HADHB: variants seen among roughly 807,000 people sequenced by gnomAD.
HADHB encodes the protein trifunctional enzyme subunit beta, mitochondrial.
In HADHB, 50 loss-of-function variants were observed where a neutral mutation model predicts 61.9. That is an observed-to-expected ratio of 0.81 (90% CI 0.64 to 1.02). The LOEUF (loss-of-function observed/expected upper bound fraction) is 1.02, where lower values mean the gene tolerates loss of function less well. HADHB is among the 50% of genes least tolerant of loss of function. The probability of loss-of-function intolerance (pLI) is 0.00; values close to 1 mark genes in which losing one functional copy is unlikely to be tolerated. For missense variants in HADHB, 504 were observed against 586.5 expected, an observed-to-expected ratio of 0.86 and a Z score of 1.45; for synonymous variants, 191 against 201.6, an observed-to-expected ratio of 0.95 and a Z score of 0.45.
chr2:26,260,196 C>T (rs1330194535), intron 3 of HADHB, among the ~76,000 whole-genome samples: 1 of 151,702 alleles, frequency 6.6e-6, no homozygotes, highest in Non-Finnish European at 1.5e-5. Context: ...ATTCTCCTGC[C>T]TCAGCCTCCC....
chr2:26,251,496 T>C (rs971540966), intron 1 of HADHB, among the ~76,000 whole-genome samples: 1 of 152,190 alleles, frequency 6.6e-6, no homozygotes, highest in African/African-American at 2.4e-5. Context: ...CCTAGAAAGT[T>C]TTGTTATCTG....
intron 6 of HADHB, among the ~76,000 whole-genome samples, chr2:26,274,736 AT>A (rs1672477492): frequency 6.6e-6 from 1 of 152,166 alleles, no homozygotes; most frequent in African/African-American, 2.4e-5. Context: ...CTCATAATAC[AT>A]TTTCAACTTT....
chr2:26,255,611 T>C (rs1174165090), intron 3 of HADHB, among the ~76,000 whole-genome samples: 1 of 152,116 alleles, frequency 6.6e-6, no homozygotes, highest in East Asian at 1.9e-4. Flanking sequence ...GGCCTTGAAC[T>C]GGTCACTTTA....
chr2:26,249,969 C>A (rs1429172219), intron 1 of HADHB, among the ~76,000 whole-genome samples: 1 of 152,108 alleles, frequency 6.6e-6, no homozygotes, highest in African/African-American at 2.4e-5. Flanking sequence ...TATTAGAGTA[C>A]AAACTACAGA....
intron 10 of HADHB, among the ~76,000 whole-genome samples, chr2:26,280,322 C>T (rs1672734249): frequency 6.6e-6 from 1 of 151,948 alleles, no homozygotes; most frequent in South Asian, 2.1e-4. Flanking sequence ...CACCATTCTG[C>T]CACAAAAGCT....
At chr2:26,256,364 A>G (rs1490983897) in intron 3 of HADHB, among the ~76,000 whole-genome samples, 1 of 152,174 alleles carries the variant, frequency 6.6e-6, no homozygotes, top group Non-Finnish European at 1.5e-5. Flanking sequence ...AGCTTGTGTG[A>G]ATATCTCTTC....
In HADHB at chr2:26,267,376, C is replaced by T. The variant is rs534250605; in HGVS notation, c.210-2577C>T. 8.5e-5 allele frequency among the ~76,000 whole-genome samples: 13 copies of T among 152,136 alleles called. No homozygotes were observed. In the South Asian group the frequency reaches 1.5e-3, roughly 17 times the overall value. ...GGTTCAGGGGGTCATGTCAAAAAGA[C>T]ACAGGTCTGACCTGCAGGAGCTACC... On this transcript the variant is annotated intron_variant, in intron 4 of 15. Transcript: ENST00000317799.
At chr2:26,263,102 C>G (rs1376899270) in intron 3 of HADHB, among the ~76,000 whole-genome samples, 1 of 151,960 alleles carries the variant, frequency 6.6e-6, no homozygotes, top group Non-Finnish European at 1.5e-5. Context: ...GAGTTTGAGA[C>G]CAGTCTGGCC....
At chr2:26,288,210 C>T (rs562691130) in intron 15 of HADHB, among the ~76,000 whole-genome samples, 8 of 151,750 alleles carry the variant, frequency 5.3e-5, no homozygotes, top group South Asian at 2.1e-4. Context: ...GGCTGTAGTG[C>T]GCTGTATTCA....
At position 26,279,975 on chromosome 2, in the gene HADHB, A is replaced by G. The variant is rs778162748; in HGVS notation, c.812-19A>G. The G allele has an allele frequency of 3.1e-6, 5 of 1,594,364 alleles. No homozygotes were observed. The highest frequency in any genetic ancestry group is 4.3e-6 in the Non-Finnish European group (5 of 1,164,076). ...GGCTTGTGGTTCCATAGAGTTAAAA[A>G]AATTCATTTTTTTAATAGGAAAAGA... On this transcript the variant is annotated intron_variant, in intron 9 of 15. Coordinates refer to ENST00000317799, the MANE Select transcript of HADHB (RefSeq NM_000183.3).
intron 3 of HADHB, chr2:26,260,961 T>C: frequency 7.7e-7 from 1 of 1,296,780 alleles, no homozygotes; most frequent in Non-Finnish European, 1.1e-6. Flanking sequence ...TGGCATTTCT[T>C]TCCATGCTTC....
At chr2:26,254,363 T>C (rs1278648501) in intron 2 of HADHB, 45 bp downstream of exon 2, 1 of 1,462,952 alleles carries the variant, frequency 6.8e-7, no homozygotes, top group South Asian at 1.1e-5. Context: ...TGGATTTGGA[T>C]TTATAAACAT....
At position 26,290,408 on chromosome 2, in the gene HADHB, A is replaced by G. The variant is rs1673221862; in HGVS notation, c.*455A>G. 5.4e-6 allele frequency: 1 copy of G among 186,416 alleles called. No homozygotes were observed. The highest frequency in any genetic ancestry group is 2.4e-5 in the African/African-American group (1 of 41,988). 11.5% of individuals were successfully genotyped at this position (186,416 alleles called of 1,614,324 possible). On this transcript the variant is annotated 3_prime_UTR_variant, in exon 16 of 16. Transcript: ENST00000317799. The stretch of plus-strand genomic sequence containing the variant: ...TCTAAACACCACTGAAAACTTATAA[A>G]AAATGTTTAGATACATAAATATGGT...
intron 1 of HADHB, chr2:26,245,520 G>T (rs1671111505): frequency 6.6e-6 from 1 of 151,968 alleles, no homozygotes; most frequent in African/African-American, 2.4e-5. Context: ...AGATAATCCT[G>T]CGCTCTCGGG....
At position 26,282,842 on chromosome 2, in the gene HADHB, C is replaced by A; in HGVS notation, c.934-3C>A. The A allele has an allele frequency of 6.2e-7, 1 of 1,608,032 alleles. No homozygotes were observed. Among genetic ancestry groups the A allele is most frequent in the Middle Eastern group, 1.9e-4 (1 of 5,330 alleles). On this transcript the variant is annotated splice_region_variant and splice_polypyrimidine_tract_variant and intron_variant, in intron 10 of 15. Coordinates refer to ENST00000317799, the MANE Select transcript of HADHB (RefSeq NM_000183.3). ...TTTAACATTGTGCTGGTTAACATTTCAGACTGATGGTGCATCTGCAATGTT... is the reference window on the plus strand; with the variant it reads ...TTTAACATTGTGCTGGTTAACATTTAAGACTGATGGTGCATCTGCAATGTT...
chr2:26,278,630 T>C lies in HADHB; in HGVS notation c.459T>C (p.Ala153=). The C allele has an allele frequency of 6.2e-7, 1 of 1,614,092 alleles. No individual in the cohort carries two copies. Among genetic ancestry groups the C allele is most frequent in the Non-Finnish European group, 8.5e-7 (1 of 1,179,918 alleles). ...QAMTTGVGLI[A]SGQCDVIVAG... ...GCCCTGTAGGTGTTGGCTTGATTGC[T>C]TCTGGCCAGTGTGATGTGATCGTGG... is the stretch of plus-strand genomic sequence containing the variant. Residue 153 remains alanine, a synonymous_variant, in exon 8 of 16, where the codon GCT becomes GCC. Coordinates refer to ENST00000317799, the MANE Select transcript of HADHB (RefSeq NM_000183.3).
chr2:26,277,008 C>A, intron 6 of HADHB, 65 bp from the exon 7 acceptor site: 1 of 829,572 alleles, frequency 1.2e-6, no homozygotes, highest in South Asian at 1.3e-5. Flanking sequence ...GATTAGTGCT[C>A]AAAGCATCAT....
intron 4 of HADHB, among the ~76,000 whole-genome samples, chr2:26,267,373 A>G (rs1034254878): frequency 6.6e-6 from 1 of 152,216 alleles, no homozygotes. Flanking sequence ...CATGTCAAAA[A>G]GACACAGGTC....
intron 15 of HADHB, among the ~76,000 whole-genome samples, chr2:26,287,777 A>G (rs988969127): frequency 1.3e-5 from 2 of 152,154 alleles, no homozygotes; most frequent in African/African-American, 4.8e-5. Flanking sequence ...GGGCCAAACA[A>G]TTCTTTGTTT....
Sources: allele counts gnomAD v4.1 joint callset (sites outside exome capture counted in the v4.1 genomes callset), GRCh38; gene constraint gnomAD v4.1.1; transcripts MANE v1.5; gene names NCBI Gene and HGNC (gene_info 2026-07-23, HGNC 2026-07-21).